Variants in NAA40 observed in about 807,000 individuals in gnomAD.
The protein encoded by NAA40 is N-alpha-acetyltransferase 40.
Under a neutral mutation model 36.6 loss-of-function variants are expected in NAA40, and 26 were observed. That is an observed-to-expected ratio of 0.71 (90% CI 0.52 to 0.98). NAA40 has a LOEUF of 0.98. NAA40 is among the 50% of genes least tolerant of loss of function. NAA40 has a pLI of 0.00. For missense variants in NAA40, 237 were observed against 306.5 expected (o/e 0.77, Z 1.69); for synonymous variants, 129 against 108.4 (o/e 1.19, Z -1.18).
intron 1 of NAA40, among the ~76,000 whole-genome samples, chr11:63,941,843 C>T (rs749441697): frequency 9.9e-5 from 15 of 152,184 alleles, no homozygotes; most frequent in East Asian, 1.9e-4. Flanking sequence ...CATGAGCCAC[C>T]GCGCCCAGCC....
At chr11:63,953,068 G>C (rs914208749) in intron 6 of NAA40, among the ~76,000 whole-genome samples, 4 of 35,112 alleles carry the variant, frequency 1.1e-4, no homozygotes, top group Non-Finnish European at 2.4e-4. Flanking sequence ...TTTTTTTTGA[G>C]ACAGAGTTTC....
chr11:63,953,957 T>C lies in NAA40; in HGVS notation c.495-15T>C. The stretch of plus-strand genomic sequence containing the variant: ...GTTTCTCTTTCTAAAAGGCGTTTGC[T>C]CTGCTTTCTTCCAGCACACAGATGA... On this transcript the variant is annotated splice_polypyrimidine_tract_variant and intron_variant, in intron 6 of 7. Coordinates refer to ENST00000377793, the MANE Select transcript of NAA40 (RefSeq NM_024771.4). 6.2e-7 allele frequency: 1 copy of C among 1,613,134 alleles called. No homozygotes were observed. The highest frequency in any genetic ancestry group is 8.5e-7 in the Non-Finnish European group (1 of 1,179,322).
At chr11:63,949,891 C>T (rs1210853625) in intron 3 of NAA40, among the ~76,000 whole-genome samples, 2 of 151,396 alleles carry the variant, frequency 1.3e-5, no homozygotes, top group African/African-American at 2.4e-5. Flanking sequence ...ACTACAGGCA[C>T]CCGCCACCAC....
At chr11:63,939,149 G>C in intron 1 of NAA40, 47 bp downstream of exon 1, 1 of 1,566,454 alleles carries the variant, frequency 6.4e-7, no homozygotes. Flanking sequence ...GGCGCTCCTC[G>C]CTACCCTCGC....
chr11:63,957,210 ATATTT>A lies in NAA40; in HGVS notation c.*2733_*2737del, dbSNP rs1198985455. On this transcript the variant is annotated 3_prime_UTR_variant, in exon 8 of 8. Coordinates refer to ENST00000377793, the MANE Select transcript of NAA40 (RefSeq NM_024771.4). ...CTCCTTGATATATATATATATATAT[ATATTT>A]TTTTTTTTCTTTAGCAGCTTGTTAT... The A allele has an allele frequency of 1.9e-5, 1 of 52,634 alleles. No individual in the cohort carries two copies. The highest frequency in any genetic ancestry group is 4.6e-5 in the African/African-American group (1 of 21,626). The allele number at this position is 52,634 out of a possible 1,614,324, so 3.3% of individuals were successfully genotyped here.
intron 1 of NAA40, among the ~76,000 whole-genome samples, chr11:63,944,629 G>A (rs1219377946): frequency 1.3e-5 from 2 of 152,130 alleles, no homozygotes; most frequent in East Asian, 1.9e-4. Flanking sequence ...CAGCCCTGGC[G>A]CAGTGGCTCA....
chr11:63,949,759 T>A (rs1435711278), intron 3 of NAA40, among the ~76,000 whole-genome samples: 2 of 150,448 alleles, frequency 1.3e-5, no homozygotes, highest in African/African-American at 4.9e-5. Flanking sequence ...TTTTTTTTTT[T>A]TTTGAGATGG....
intron 1 of NAA40, among the ~76,000 whole-genome samples, chr11:63,941,236 C>A (rs959401687): frequency 6.6e-6 from 1 of 152,164 alleles, no homozygotes; most frequent in Non-Finnish European, 1.5e-5. Context: ...ACCGTCTCAT[C>A]ACCCTCATTC....
rs917733980 is a variant in NAA40 at position 63,939,037 on chromosome 11, C to T, written c.-60C>T. 1.9e-5 allele frequency: 30 copies of T among 1,592,420 alleles called. No individual in the cohort carries two copies. In the African/African-American group the frequency reaches 3.5e-4, roughly 18 times the overall value. ...CTGCCGCCGCTGTTGCAGCCACCGC[C>T]GTTGCCGCCTCCCTGCCGGCAAGTG... On this transcript the variant is annotated 5_prime_UTR_variant, in exon 1 of 8. Transcript: ENST00000377793.
At chr11:63,950,114 T>G (rs555184095) in intron 3 of NAA40, among the ~76,000 whole-genome samples, 6 of 98,828 alleles carry the variant, frequency 6.1e-5, no homozygotes, top group Middle Eastern at 5.4e-3. Context: ...TGGTATGAGG[T>G]TTTTTTTGTT....
chr11:63,952,031 T>G (rs1590758282), intron 3 of NAA40: 6 of 521,010 alleles, frequency 1.2e-5, no homozygotes, highest in South Asian at 6.5e-5. Flanking sequence ...GGTTGGGGGG[T>G]GGGCCGTGTG....
intron 3 of NAA40, among the ~76,000 whole-genome samples, chr11:63,951,252 T>C (rs1027224389): frequency 2.0e-5 from 3 of 152,246 alleles, no homozygotes; most frequent in Non-Finnish European, 4.4e-5. Flanking sequence ...AACTGTTTTT[T>C]ACTTAAATTT....
At position 63,946,941 on chromosome 11, in the gene NAA40, C is replaced by T; in HGVS notation, c.103-10C>T. On this transcript the variant is annotated splice_polypyrimidine_tract_variant and intron_variant, in intron 2 of 7. Transcript: ENST00000377793. ...TGTCTGTGCTGTTCCTCTTTTCTTTCCCTCCACAGCTTGGAGACCCTCTGG... is the reference window on the plus strand; with the variant it reads ...TGTCTGTGCTGTTCCTCTTTTCTTTTCCTCCACAGCTTGGAGACCCTCTGG... 6.2e-7 allele frequency: 1 copy of T among 1,614,030 alleles called. No individual in the cohort carries two copies. The highest frequency in any genetic ancestry group is 8.5e-7 in the Non-Finnish European group (1 of 1,179,896).
intron 3 of NAA40, among the ~76,000 whole-genome samples, chr11:63,949,463 A>G (rs754457162): frequency 1.3e-5 from 2 of 151,976 alleles, no homozygotes; most frequent in African/African-American, 2.4e-5. Context: ...TGCTGTTACT[A>G]TTACTGATCC....
At chr11:63,939,225 C>A in intron 1 of NAA40, 123 bp downstream of exon 1, 3 of 1,190,174 alleles carry the variant, frequency 2.5e-6, no homozygotes, top group Non-Finnish European at 3.2e-6. Flanking sequence ...TGACCCCTGA[C>A]CCCCACATGA....
At chr11:63,953,910 G>T in intron 6 of NAA40, 62 bp from the exon 7 acceptor site, 1 of 1,452,154 alleles carries the variant, frequency 6.9e-7, no homozygotes, top group African/African-American at 1.4e-5. Context: ...GATTACAGGT[G>T]CATGCCACCA....
At chr11:63,943,858 C>T (rs186095902) in intron 1 of NAA40, among the ~76,000 whole-genome samples, 6 of 152,260 alleles carry the variant, frequency 3.9e-5, no homozygotes, top group Admixed American at 3.9e-4. Context: ...AGCTTTATCT[C>T]TGTGTTGTCT....
intron 2 of NAA40, chr11:63,946,152 G>T (rs1381161886): frequency 8.4e-5 from 48 of 570,328 alleles, no homozygotes; most frequent in Non-Finnish European, 1.4e-4. Context: ...TTCCAGTGAA[G>T]TGGCTGCCTC....
Position 63,954,744 on chromosome 11 carries a change from C to T in NAA40, c.*265C>T. On this transcript the variant is annotated 3_prime_UTR_variant, in exon 8 of 8. Coordinates refer to ENST00000377793, the MANE Select transcript of NAA40 (RefSeq NM_024771.4). ...GAAGCTCATCCTCCACAGTGGCTGC[C>T]TCCTCATTTGGCTCCTGGGGCCTGC... is the stretch of plus-strand genomic sequence containing the variant. The T allele has an allele frequency of 3.0e-6, 1 of 328,856 alleles. No homozygotes were observed. Among genetic ancestry groups the T allele is most frequent in the Non-Finnish European group, 5.5e-6 (1 of 182,570 alleles). 20.4% of individuals were successfully genotyped at this position (328,856 alleles called of 1,614,324 possible). A position where few individuals can be genotyped will look rare whatever the true frequency, so the allele number is the denominator to read the frequency against.
Sources: allele counts gnomAD v4.1 joint callset (sites outside exome capture counted in the v4.1 genomes callset), GRCh38; gene constraint gnomAD v4.1.1; transcripts MANE v1.5; gene names NCBI Gene and HGNC (gene_info 2026-07-23, HGNC 2026-07-21).